Variants in NRXN3 observed in about 807,000 individuals in gnomAD.
NRXN3 encodes the protein neurexin 3.
In NRXN3, 32 loss-of-function variants were observed where a neutral mutation model predicts 137.6. That is an observed-to-expected ratio of 0.23 (90% CI 0.18 to 0.31). The LOEUF (loss-of-function observed/expected upper bound fraction) is 0.31. Among genes scored for constraint, NRXN3 ranks in the 10% least tolerant of loss-of-function variants. The pLI, the probability that NRXN3 is intolerant of heterozygous loss-of-function variation, is 1.00. For synonymous variants in NRXN3, 798 were observed against 784.5 expected (o/e 1.02, Z -0.29); for missense variants, 1,574 against 2,062.5 (o/e 0.76, Z 4.59).
At chr14:79,810,971 T>C (rs1326352420) in intron 20 of NRXN3, among the ~76,000 whole-genome samples, 1 of 152,236 alleles carries the variant, frequency 6.6e-6, no homozygotes, top group Non-Finnish European at 1.5e-5. Flanking sequence ...TGTGTCTTTG[T>C]CAAGTTTGAA....
At chr14:79,118,659 G>A (rs1483179230) in intron 15 of NRXN3, among the ~76,000 whole-genome samples, 1 of 152,162 alleles carries the variant, frequency 6.6e-6, no homozygotes, top group Admixed American at 6.5e-5. Context: ...TGTTACTGCA[G>A]CATAATCTGG....
intron 15 of NRXN3, among the ~76,000 whole-genome samples, chr14:79,119,258 A>C (rs1286153481): frequency 2.0e-5 from 3 of 152,116 alleles, no homozygotes; most frequent in African/African-American, 7.2e-5. Flanking sequence ...GTATTTTCTG[A>C]GGATTATATT....
At chr14:78,196,994 G>A (rs1341772149) in intron 1 of NRXN3, among the ~76,000 whole-genome samples, 3 of 152,226 alleles carry the variant, frequency 2.0e-5, no homozygotes, top group Non-Finnish European at 1.5e-5. Context: ...GCTGGAGGAT[G>A]TTATGACCAG....
intron 15 of NRXN3, among the ~76,000 whole-genome samples, chr14:78,998,762 C>CTTT (rs1237108042): frequency 6.7e-5 from 8 of 119,766 alleles, no homozygotes; most frequent in East Asian, 2.4e-4. Context: ...CCATGCCCAG[C>CTTT]TTTTTTTTTT....
intron 15 of NRXN3, among the ~76,000 whole-genome samples, chr14:79,245,470 G>A (rs573075354): frequency 2.6e-5 from 4 of 152,138 alleles, no homozygotes; most frequent in Admixed American, 2.0e-4. Context: ...AGAAAAAAGC[G>A]AGATGAGAGA....
chr14:79,274,128 G>C (rs969167460), intron 15 of NRXN3, among the ~76,000 whole-genome samples: 3 of 147,588 alleles, frequency 2.0e-5, no homozygotes, highest in African/African-American at 5.0e-5. Context: ...AAGAGGCTAA[G>C]ATCTTGGCCA....
chr14:78,584,610 T>A (rs2097041541), intron 4 of NRXN3, among the ~76,000 whole-genome samples: 1 of 152,264 alleles, frequency 6.6e-6, no homozygotes. Flanking sequence ...TTCTTTGTGA[T>A]GTAGACAGAC....
chr14:78,512,830 T>A (rs1366505680), intron 4 of NRXN3, among the ~76,000 whole-genome samples: 1 of 152,176 alleles, frequency 6.6e-6, no homozygotes. Flanking sequence ...GAAGCTGTGA[T>A]CTCTTAGAAT....
intron 15 of NRXN3, among the ~76,000 whole-genome samples, chr14:79,434,392 C>G (rs1222683083): frequency 6.6e-6 from 1 of 152,140 alleles, no homozygotes; most frequent in Non-Finnish European, 1.5e-5. Flanking sequence ...TGTAAATCCT[C>G]TTTCAACTGG....
chr14:78,453,660 A>G (rs2153708816), intron 4 of NRXN3, among the ~76,000 whole-genome samples: 2 of 152,296 alleles, frequency 1.3e-5, no homozygotes. Context: ...TGTAAATGTG[A>G]CCTTATTTGG....
At chr14:79,148,608 G>A (rs1013451388) in intron 15 of NRXN3, among the ~76,000 whole-genome samples, 10 of 152,084 alleles carry the variant, frequency 6.6e-5, no homozygotes, top group African/African-American at 1.9e-4. Flanking sequence ...TTCCTTTGTG[G>A]ACATACTCAG....
intron 15 of NRXN3, among the ~76,000 whole-genome samples, chr14:79,353,072 T>C (rs1359387143): frequency 1.3e-5 from 2 of 152,136 alleles, no homozygotes; most frequent in Non-Finnish European, 2.9e-5. Context: ...TTTTGGTAAG[T>C]AGTAAGTAAA....
chr14:78,463,139 G>A lies in NRXN3; in HGVS notation c.757+165279G>A, dbSNP rs146817444. Among the ~76,000 whole-genome samples the A allele has an allele frequency of 8.4e-3, 1,283 of 152,166 alleles. 19 individuals carry two copies. The highest frequency in any genetic ancestry group is 0.03 in the African/African-American group (1,231 of 41,502). On this transcript the variant is annotated intron_variant, in intron 4 of 20. Transcript: ENST00000335750. Reference sequence around the variant, plus strand: ...CTGAAATAGTTCACTTAGGATAAATGGTCTCCAGTGCCATCTATATTGCTG... The same window carrying A: ...CTGAAATAGTTCACTTAGGATAAATAGTCTCCAGTGCCATCTATATTGCTG...
intron 20 of NRXN3, among the ~76,000 whole-genome samples, chr14:79,843,509 C>T (rs895189599): frequency 1.3e-5 from 2 of 152,092 alleles, no homozygotes; most frequent in African/African-American, 4.8e-5. Context: ...ACTGATTTTT[C>T]TTATCACAAA....
At chr14:79,738,315 CCACACACA>C (rs10539564) in intron 19 of NRXN3, among the ~76,000 whole-genome samples, 181 of 138,050 alleles carry the variant, frequency 1.3e-3, no homozygotes, top group Admixed American at 3.5e-3. Context: ...ATTTCCCCCG[CCACACACA>C]CACACACACA....
intron 4 of NRXN3, among the ~76,000 whole-genome samples, chr14:78,487,679 T>C (rs1401187965): frequency 6.6e-6 from 1 of 151,636 alleles, no homozygotes; most frequent in Admixed American, 6.6e-5. Flanking sequence ...GAGGCAGAGG[T>C]TGCAGTGAGC....
At chr14:78,785,618 T>G (rs975186536) in intron 8 of NRXN3, among the ~76,000 whole-genome samples, 3 of 152,166 alleles carry the variant, frequency 2.0e-5, no homozygotes, top group African/African-American at 7.2e-5. Flanking sequence ...TGACAAGAAG[T>G]GTTTATGACT....
intron 4 of NRXN3, among the ~76,000 whole-genome samples, chr14:78,476,344 C>T (rs2095377652): frequency 1.3e-5 from 2 of 152,174 alleles, no homozygotes; most frequent in Admixed American, 1.3e-4. Flanking sequence ...GAGGGAATTC[C>T]TCTCCAAGGA....
At chr14:79,308,931 T>A (rs866385052) in intron 15 of NRXN3, among the ~76,000 whole-genome samples, 6 of 143,532 alleles carry the variant, frequency 4.2e-5, no homozygotes, top group African/African-American at 1.6e-4. Context: ...ATTTATTTTT[T>A]AATTTTTTTT....
Sources: allele counts gnomAD v4.1 joint callset (sites outside exome capture counted in the v4.1 genomes callset), GRCh38; gene constraint gnomAD v4.1.1; transcripts MANE v1.5; gene names NCBI Gene and HGNC (gene_info 2026-07-23, HGNC 2026-07-21).